Variants in TYRP1 observed in about 807,000 individuals in gnomAD.
The protein encoded by TYRP1 is tyrosinase related protein 1.
TYRP1 carries 49 observed loss-of-function variants against 42.8 expected under a neutral mutation model. That is an observed-to-expected ratio of 1.14 (90% CI 0.91 to 1.45). The LOEUF is 1.45. Ranked by LOEUF, TYRP1 falls within the 40% of genes most tolerant of loss-of-function variation. The pLI is 0.00. For synonymous variants in TYRP1, 279 were observed against 235.4 expected (o/e 1.19, Z -1.69); for missense variants, 848 against 662.0 (o/e 1.28, Z -3.08).
chr9:12,703,089 G>C (rs1033673473), intron 5 of TYRP1, among the ~76,000 whole-genome samples: 3 of 151,884 alleles, frequency 2.0e-5, no homozygotes, highest in African/African-American at 7.2e-5. Context: ...TCAAAATCCA[G>C]TGTCTTTGTA....
intron 4 of TYRP1, among the ~76,000 whole-genome samples, chr9:12,701,255 C>A (rs1296465770): frequency 6.6e-6 from 1 of 151,788 alleles, no homozygotes; most frequent in Admixed American, 6.6e-5. Context: ...AGCTTCTTTT[C>A]TTTCCTACAG....
chr9:12,700,538 T>C (rs994490821), intron 4 of TYRP1: 3 of 152,122 alleles, frequency 2.0e-5, no homozygotes, highest in African/African-American at 7.2e-5. Context: ...TTCCATTTAT[T>C]TTTATGTGGA....
At chr9:12,699,908 G>C (rs1276237876) in intron 4 of TYRP1, among the ~76,000 whole-genome samples, 1 of 151,390 alleles carries the variant, frequency 6.6e-6, no homozygotes, top group Non-Finnish European at 1.5e-5. Context: ...AGCACAGGAG[G>C]GGGAAGAAAG....
intron 3 of TYRP1, among the ~76,000 whole-genome samples, chr9:12,698,108 G>C (rs1818105527): frequency 6.6e-6 from 1 of 151,874 alleles, no homozygotes; most frequent in Admixed American, 6.6e-5. Flanking sequence ...CCAAGAAGTG[G>C]ATGTTGTTAT....
chr9:12,706,869 G>C (rs1023948157), intron 6 of TYRP1, among the ~76,000 whole-genome samples: 1 of 151,870 alleles, frequency 6.6e-6, no homozygotes. Flanking sequence ...ATGATTGAAA[G>C]GTTTTTACAA....
intron 6 of TYRP1, among the ~76,000 whole-genome samples, chr9:12,707,038 T>C (rs1818269728): frequency 6.6e-6 from 1 of 151,964 alleles, no homozygotes; most frequent in African/African-American, 2.4e-5. Flanking sequence ...ATTGAGAGCA[T>C]CCAAACTCTA....
chr9:12,706,072 T>C (rs879346804), intron 6 of TYRP1, among the ~76,000 whole-genome samples: 1 of 152,068 alleles, frequency 6.6e-6, no homozygotes, highest in African/African-American at 2.4e-5. Context: ...AACATCCTTC[T>C]CTTTGTTTTA....
rs1055532764 is a variant in TYRP1, at chr9:12,698,772, A to G, written c.913+117A>G. On this transcript the variant is annotated intron_variant, in intron 4 of 7. Coordinates refer to ENST00000388918, the MANE Select transcript of TYRP1 (RefSeq NM_000550.3). ...ATTCAGACTAAAATCTACTTTTATT[A>G]TAGAGTAACAGTGTACCAGGCATTC... The G allele has an allele frequency of 4.1e-5, 40 of 979,608 alleles. No individual in the cohort carries two copies. In the Middle Eastern group the frequency reaches 1.1e-3, roughly 26 times the overall value. The allele number at this position is 979,608 out of a possible 1,614,324, so 60.7% of individuals were successfully genotyped here. A position where few individuals can be genotyped will look rare whatever the true frequency, so the allele number is the denominator to read the frequency against.
chr9:12,695,446 G>A, intron 2 of TYRP1, 69 bp from the exon 3 acceptor site: 4 of 1,416,568 alleles, frequency 2.8e-6, no homozygotes, highest in Non-Finnish European at 4.0e-6. Context: ...GTTACAAGAT[G>A]ATTATGCTCT....
intron 3 of TYRP1, among the ~76,000 whole-genome samples, chr9:12,696,420 A>G (rs1219949321): frequency 6.6e-6 from 1 of 152,182 alleles, no homozygotes; most frequent in East Asian, 1.9e-4. Flanking sequence ...TCACATCACT[A>G]TATAAGAGGA....
intron 2 of TYRP1, 131 bp downstream of exon 2, chr9:12,694,512 A>G (rs1285390230): frequency 2.5e-6 from 3 of 1,205,944 alleles, no homozygotes; most frequent in Non-Finnish European, 3.5e-6. Context: ...ATAGTTGAGG[A>G]AACTGAGGCT....
chr9:12,702,739 C>G (rs1375428066), intron 5 of TYRP1, among the ~76,000 whole-genome samples: 7 of 151,894 alleles, frequency 4.6e-5, no homozygotes, highest in Admixed American at 2.0e-4. Flanking sequence ...GTAACTATAT[C>G]AAGGTCTCTA....
Position 12,704,629 on chromosome 9 carries a change from A to G in TYRP1, c.1185A>G (p.Pro395=). The G allele has an allele frequency of 6.2e-7, 1 of 1,613,208 alleles. No individual in the cohort carries two copies. Among genetic ancestry groups the G allele is most frequent in the Non-Finnish European group, 8.5e-7 (1 of 1,179,484 alleles). Residue 395 remains proline (P), a synonymous_variant, in exon 6 of 8, where the codon CCA becomes CCG. Coordinates refer to ENST00000388918, the MANE Select transcript of TYRP1 (RefSeq NM_000550.3). Reference sequence around the variant, plus strand: ...CAGGGGGACAAACCCATTTGTCTCCAAATGATCCTATTTTTGTCCTCCTGC... The same window carrying G: ...CAGGGGGACAAACCCATTTGTCTCCGAATGATCCTATTTTTGTCCTCCTGC... ...NGTGGQTHLS[P]NDPIFVLLHT... is the part of the protein sequence containing the mutation.
At chr9:12,705,866 T>A (rs1237593889) in intron 6 of TYRP1, among the ~76,000 whole-genome samples, 2 of 151,998 alleles carry the variant, frequency 1.3e-5, no homozygotes, top group African/African-American at 4.8e-5. Context: ...ATGAATTCAG[T>A]TATTGCAGTT....
rs915342527 is a variant in TYRP1 at position 12,703,108 on chromosome 9, T to C, written c.1081+670T>C. On this transcript the variant is annotated intron_variant, in intron 5 of 7. Transcript: ENST00000388918. ...AATCCAGTGTCTTTGTATAATAAAT[T>C]TTGATACCTCCAAATGATGCTTGAT... Among the ~76,000 whole-genome samples, 3 of 151,970 alleles carry C rather than the reference T, an allele frequency of 2.0e-5. No individual in the cohort carries two copies. The East Asian group carries it at 5.8e-4, about 29-fold the overall frequency.
In TYRP1 at chr9:12,709,068, G is replaced by A. The variant is rs34060600; in HGVS notation, c.1500G>A (p.Leu500=). 2,072 of 1,612,766 alleles carry A rather than the reference G, an allele frequency of 1.3e-3. 31 individuals carry two copies. The African/African-American group carries it at 0.025, about 19-fold the overall frequency. The stretch of plus-strand genomic sequence containing the variant: ...TCATTTTTGGGACTGCTTCTTATCT[G>A]ATTCGTGCCAGACGCAGTATGGATG... ...VALIFGTASY[L]IRARRSMDEA... The change falls in exon 8 of 8, where the codon CTG becomes CTA. Residue 500 remains leucine (L), a synonymous_variant. Transcript: ENST00000388918.
rs1395679351 is a variant in TYRP1, at chr9:12,694,346, G to A, written c.350G>A (p.Trp117Ter). 1.2e-6 allele frequency: 2 copies of A among 1,614,016 alleles called. No homozygotes were observed. Among genetic ancestry groups the A allele is most frequent in the African/African-American group, 1.3e-5 (1 of 75,060 alleles). Reference protein sequence around the residue: ...GHNCGTCRPGWRGAACDQRVL... With the variant: ...GHNCGTCRPG ...AACTGTGGGACGTGCCGTCCTGGCTGGAGAGGAGCTGCCTGTGACCAGAGG... is the reference window on the plus strand; with the variant it reads ...AACTGTGGGACGTGCCGTCCTGGCTAGAGAGGAGCTGCCTGTGACCAGAGG... Residue 117 changes from tryptophan (W) to a stop codon, truncating the protein, a stop_gained, in exon 2 of 8, where the codon TGG becomes TAG. Coordinates refer to ENST00000388918, the MANE Select transcript of TYRP1 (RefSeq NM_000550.3). LOFTEE classifies it high-confidence loss of function.
At chr9:12,708,170 G>T (rs1489544537) in intron 7 of TYRP1, 27 bp downstream of exon 7, 1 of 1,611,460 alleles carries the variant, frequency 6.2e-7, no homozygotes, top group African/African-American at 1.3e-5. Context: ...TATTTTTACT[G>T]TGATAATTTC....
At chr9:12,697,536 G>A (rs1205362226) in intron 3 of TYRP1, among the ~76,000 whole-genome samples, 11 of 152,076 alleles carry the variant, frequency 7.2e-5, no homozygotes. Context: ...TGCTTCCTAG[G>A]AAGGGATTTA....
Sources: allele counts gnomAD v4.1 joint callset (sites outside exome capture counted in the v4.1 genomes callset), GRCh38; gene constraint gnomAD v4.1.1; transcripts MANE v1.5; gene names NCBI Gene and HGNC (gene_info 2026-07-23, HGNC 2026-07-21).